The following KLHL1 variants were observed in gnomAD, a reference collection of about 807,000 sequenced individuals.
KLHL1 encodes the protein kelch-like protein 1.
A neutral mutation model predicts 77.7 loss-of-function variants in KLHL1; 47 were observed. The ratio of observed to expected loss-of-function variants is 0.60; its 90% CI spans 0.48 to 0.77. The LOEUF (loss-of-function observed/expected upper bound fraction) is 0.77. Among genes scored for constraint, KLHL1 ranks in the 30% least tolerant of loss-of-function variants. The pLI is 0.00. For synonymous variants in KLHL1, 360 were observed against 325.2 expected, an observed-to-expected ratio of 1.11 and a Z score of -1.15; for missense variants, 925 against 910.8, an observed-to-expected ratio of 1.02 and a Z score of -0.20.
chr13:69,923,660 A>G (rs1323493740), intron 4 of KLHL1, among the ~76,000 whole-genome samples: 4 of 152,204 alleles, frequency 2.6e-5, no homozygotes, highest in Admixed American at 6.5e-5. Flanking sequence ...AAATTACAAT[A>G]TAAGGAGGAG....
intron 7 of KLHL1, among the ~76,000 whole-genome samples, chr13:69,767,517 C>T (rs189724013): frequency 6.6e-6 from 1 of 151,918 alleles, no homozygotes; most frequent in East Asian, 1.9e-4. Context: ...GGTAACATAC[C>T]GAGAACCTGT....
At chr13:69,721,542 T>C (rs1873064653) in intron 8 of KLHL1, among the ~76,000 whole-genome samples, 1 of 152,080 alleles carries the variant, frequency 6.6e-6, no homozygotes. Context: ...AATATATTTA[T>C]AAGTAGACTT....
intron 5 of KLHL1, among the ~76,000 whole-genome samples, chr13:69,841,851 A>G (rs1189692834): frequency 6.6e-6 from 1 of 151,922 alleles, no homozygotes; most frequent in South Asian, 2.1e-4. Context: ...ATATAGGCCA[A>G]TGGAACAGAA....
At chr13:69,789,051 C>G (rs954157815) in intron 7 of KLHL1, among the ~76,000 whole-genome samples, 13 of 117,480 alleles carry the variant, frequency 1.1e-4, no homozygotes, top group Non-Finnish European at 2.0e-4. Context: ...ATCTATCTAT[C>G]TATCTATCTA....
Position 69,836,613 on chromosome 13 carries a change from C to G in KLHL1, c.1414+2363G>C, listed in dbSNP as rs934315869. On this transcript the variant is annotated intron_variant, in intron 6 of 10. Transcript: ENST00000377844. ...TGGAAGAAGGCAATTTTCTGTTACT[C>G]TAAGTGTTTGCCTAAAATAAAGTAA... Among the ~76,000 whole-genome samples, 4 of 151,972 alleles carry G rather than the reference C, an allele frequency of 2.6e-5. No homozygotes were observed. The South Asian group carries it at 8.3e-4, about 31-fold the overall frequency.
At chr13:69,774,672 AC>A (rs1472297594) in intron 7 of KLHL1, among the ~76,000 whole-genome samples, 15 of 149,202 alleles carry the variant, frequency 1.0e-4, no homozygotes, top group East Asian at 3.9e-4. Context: ...ATAAAAAAAA[AC>A]ACACACACAC....
intron 4 of KLHL1, among the ~76,000 whole-genome samples, chr13:69,937,100 A>C (rs934222243): frequency 2.0e-5 from 3 of 152,206 alleles, no homozygotes; most frequent in Admixed American, 6.5e-5. Context: ...CCCAAAAGGC[A>C]GAGCTGACTT....
chr13:69,796,678 A>G, intron 7 of KLHL1, 60 bp downstream of exon 7: 1 of 1,172,220 alleles, frequency 8.5e-7, no homozygotes. Context: ...ATATTTTATC[A>G]TATAGTTACA....
At chr13:70,047,493 T>C (rs1886531672) in intron 1 of KLHL1, among the ~76,000 whole-genome samples, 1 of 152,080 alleles carries the variant, frequency 6.6e-6, no homozygotes, top group Non-Finnish European at 1.5e-5. Flanking sequence ...GGCCATGTTC[T>C]TTAGAGACAC....
chr13:69,813,658 CA>C (rs1470264953), intron 6 of KLHL1, among the ~76,000 whole-genome samples: 1 of 151,742 alleles, frequency 6.6e-6, no homozygotes, highest in African/African-American at 2.4e-5. Flanking sequence ...ACAATATCCA[CA>C]AAAAAATAAA....
At chr13:70,017,018 C>A (rs1429422954) in intron 1 of KLHL1, among the ~76,000 whole-genome samples, 10 of 152,192 alleles carry the variant, frequency 6.6e-5, no homozygotes, top group Admixed American at 2.0e-4. Flanking sequence ...TATGGACAAC[C>A]TGCATGCAGA....
At position 69,939,340 on chromosome 13, in the gene KLHL1, C is replaced by CT. The variant is rs1555283220; in HGVS notation, c.1014+699_1014+700insA. 9.2e-3 allele frequency among the ~76,000 whole-genome samples: 562 copies of CT among 60,864 alleles called. 14 individuals carry two copies. The highest frequency in any genetic ancestry group is 0.034 in the African/African-American group (510 of 14,848). 39.9% of individuals were successfully genotyped at this position (60,864 alleles called of 152,430 possible). On this transcript the variant is annotated intron_variant, in intron 4 of 10. Transcript: ENST00000377844. ...ACACTCATATATATACATATACATA[C>CT]ATATATATATATATATATATATATA...
At chr13:69,993,040 T>C (rs916802914) in intron 1 of KLHL1, among the ~76,000 whole-genome samples, 3 of 152,044 alleles carry the variant, frequency 2.0e-5, no homozygotes, top group East Asian at 1.9e-4. Flanking sequence ...GGCCTAATCA[T>C]TTTTAGTGTC....
intron 7 of KLHL1, among the ~76,000 whole-genome samples, chr13:69,748,081 G>T (rs1252997156): frequency 6.6e-6 from 1 of 151,938 alleles, no homozygotes; most frequent in Non-Finnish European, 1.5e-5. Flanking sequence ...TTCTAGAGGA[G>T]AATACAGACA....
intron 7 of KLHL1, among the ~76,000 whole-genome samples, chr13:69,791,955 T>C (rs1182144800): frequency 6.6e-6 from 1 of 152,130 alleles, no homozygotes; most frequent in Non-Finnish European, 1.5e-5. Flanking sequence ...CTTCTGTGCT[T>C]CCAAAGGCAC....
chr13:70,015,421 C>T (rs1221579510), intron 1 of KLHL1, among the ~76,000 whole-genome samples: 1 of 152,078 alleles, frequency 6.6e-6, no homozygotes, highest in Non-Finnish European at 1.5e-5. Context: ...CTGTCATTGA[C>T]CAAAACATTG....
chr13:69,984,983 C>T (rs1884821660), intron 1 of KLHL1, among the ~76,000 whole-genome samples: 4 of 152,036 alleles, frequency 2.6e-5, no homozygotes, highest in Admixed American at 2.6e-4. Context: ...TGGTGGCGGG[C>T]GCCTGTAATA....
chr13:69,851,099 C>T (rs1879669409), intron 5 of KLHL1, among the ~76,000 whole-genome samples: 2 of 2,486 alleles, frequency 8.0e-4, no homozygotes, highest in Non-Finnish European at 0.013. Flanking sequence ...GAAAAACATA[C>T]ATATATACTT....
intron 6 of KLHL1, among the ~76,000 whole-genome samples, chr13:69,829,834 T>C (rs1173143226): frequency 6.7e-6 from 1 of 150,218 alleles, no homozygotes; most frequent in African/African-American, 2.5e-5. Context: ...CCAAGAATTT[T>C]GTATCCAGTG....
Sources: gnomAD v4.1 joint callset for allele counts (sites outside exome capture counted in the v4.1 genomes callset) on GRCh38, gnomAD v4.1.1 for gene constraint, MANE v1.5 for transcripts, NCBI Gene and HGNC (gene_info 2026-07-23, HGNC 2026-07-21) for gene names.